Variants in FBN3 observed in about 807,000 individuals in gnomAD.
The protein encoded by FBN3 is fibrillin 3, also known as fibrillin-3.
Under a neutral mutation model 330.1 loss-of-function variants are expected in FBN3, and 234 were observed. The ratio of observed to expected loss-of-function variants is 0.71; its 90% confidence interval spans 0.64 to 0.79. The LOEUF is 0.79. FBN3 is among the 30% of genes least tolerant of loss of function. The pLI, the probability that FBN3 is intolerant of heterozygous loss-of-function variation, is 0.00. For synonymous variants in FBN3, 1,458 were observed against 1,517.3 expected, an observed-to-expected ratio of 0.96 and a Z score of 0.91; for missense variants, 3,606 against 3,886.9, an observed-to-expected ratio of 0.93 and a Z score of 1.92.
At chr19:8,070,749 G>A (rs150177605) in intron 63 of FBN3, among the ~76,000 whole-genome samples, 14 of 152,286 alleles carry the variant, frequency 9.2e-5, no homozygotes, top group South Asian at 2.1e-4. Context: ...TAGGCTGGGT[G>A]CAGTGCTTCA....
At chr19:8,138,873 C>T (rs1356680113) in intron 8 of FBN3, among the ~76,000 whole-genome samples, 1 of 151,730 alleles carries the variant, frequency 6.6e-6, no homozygotes, top group Admixed American at 6.6e-5. Context: ...ATGGCGAAAC[C>T]TCATGTCTAC....
Position 8,111,757 on chromosome 19 carries a change from G to A in FBN3, c.3975C>T (p.Cys1325=), listed in dbSNP as rs751421672. 51 of 1,612,466 alleles carry A rather than the reference G, an allele frequency of 3.2e-5. No homozygotes were observed. The South Asian group carries it at 4.7e-4, about 15-fold the overall frequency. Residue 1325 remains cysteine (C), a synonymous_variant, in exon 32 of 64, where the codon TGC becomes TGT. Coordinates refer to ENST00000600128, the MANE Select transcript of FBN3 (RefSeq NM_032447.5). ...DGFECHDLDE[C]VSQEHRCSPR... ...GGCTGCACCGGTGCTCCTGGGAGAC[G>A]CATTCATCCAGGTCTGCAGGAGATG... is the stretch of plus-strand genomic sequence containing the variant.
Position 8,129,341 on chromosome 19 carries a change from G to T in FBN3, c.2069C>A (p.Pro690His). Residue 690 changes from proline to histidine, a missense_variant, in exon 17 of 64, where the codon CCT (proline) becomes CAT (histidine). Coordinates refer to ENST00000600128, the MANE Select transcript of FBN3 (RefSeq NM_032447.5). This position sits in a 1 kb window ranked among gnomAD's most constrained non-coding sequence, Gnocchi z 4.5. Reference sequence around the variant, plus strand: ...GCACACGCCATTGGCACAAACCTCAGGATCCAGAGCACACTCGTTGATGTC... The same window carrying T: ...GCACACGCCATTGGCACAAACCTCATGATCCAGAGCACACTCGTTGATGTC... ...GRDINECALD[P>H]EVCANGVCEN... The T allele has an allele frequency of 1.2e-6, 2 of 1,614,178 alleles. No homozygotes were observed. Among genetic ancestry groups the T allele is most frequent in the Non-Finnish European group, 1.7e-6 (2 of 1,180,022 alleles).
At chr19:8,117,627 C>T (rs1216698739) in intron 26 of FBN3, 38 bp from the exon 27 acceptor site, 3 of 1,494,970 alleles carry the variant, frequency 2.0e-6, no homozygotes, top group Non-Finnish European at 2.7e-6. Flanking sequence ...GCCTGTGCCC[C>T]ATCTGCCGTC....
chr19:8,083,763 C>A (rs954340824), intron 56 of FBN3, among the ~76,000 whole-genome samples: 1 of 151,594 alleles, frequency 6.6e-6, no homozygotes, highest in East Asian at 1.9e-4. Context: ...CCCCCAGCCA[C>A]ACCCCCAAAA....
rs2082772187 is a variant in FBN3, at chr19:8,118,889, AC to A, written c.3337+7del. On this transcript the variant is annotated splice_region_variant and intron_variant, in intron 26 of 63. Coordinates refer to ENST00000600128, the MANE Select transcript of FBN3 (RefSeq NM_032447.5). ...CACTCACACTTGCACACCCAGATGC[AC>A]ACTTACCCTCACAGGCAGTGCCCTT... The A allele has an allele frequency of 6.2e-7, 1 of 1,606,400 alleles. No homozygotes were observed. The highest frequency in any genetic ancestry group is 8.5e-7 in the Non-Finnish European group (1 of 1,173,700).
intron 18 of FBN3, 94 bp from the exon 19 acceptor site, chr19:8,126,926 T>C: frequency 7.0e-7 from 1 of 1,418,598 alleles, no homozygotes; most frequent in Non-Finnish European, 9.4e-7. Context: ...CCGCAACCGG[T>C]GGCACGGGGT....
Position 8,109,012 on chromosome 19 carries a change from C to T in FBN3, c.4618+215G>A, listed in dbSNP as rs190188688. ...CTGAGTGATCAAGTGACTATAAACA[C>T]AGAGAATTTACAGAAAGCGACCTTG... On this transcript the variant is annotated intron_variant, in intron 36 of 63. Coordinates refer to ENST00000600128, the MANE Select transcript of FBN3 (RefSeq NM_032447.5). The surrounding 1 kb of genome is among the most constrained non-coding windows in gnomAD (Gnocchi z 5.2). Among the ~76,000 whole-genome samples the T allele has an allele frequency of 1.5e-4, 23 of 152,252 alleles. No individual in the cohort carries two copies. The highest frequency in any genetic ancestry group is 2.5e-4 in the Non-Finnish European group (17 of 68,022).
chr19:8,118,063 A>C (rs1259986970), intron 26 of FBN3, among the ~76,000 whole-genome samples: 1 of 147,708 alleles, frequency 6.8e-6, no homozygotes, highest in Admixed American at 6.8e-5. Context: ...ATACACACAC[A>C]CCCATGTGCA....
intron 22 of FBN3, 37 bp from the exon 23 acceptor site, chr19:8,124,045 C>T (rs1225244237): frequency 6.4e-7 from 1 of 1,552,764 alleles, no homozygotes. Flanking sequence ...CCACCCCTGC[C>T]ACACTGTGCC....
Position 8,147,487 on chromosome 19 carries a change from T to C in FBN3, c.-7A>G. On this transcript the variant is annotated 5_prime_UTR_variant, in exon 2 of 64. Coordinates refer to ENST00000600128, the MANE Select transcript of FBN3 (RefSeq NM_032447.5). The stretch of plus-strand genomic sequence containing the variant: ...ACAGACCCTCCAGAGTCATGGCGTG[T>C]CCCCTGGAGGCTGCGGAGAGGAAGC... 1 of 1,463,590 alleles carries C rather than the reference T, an allele frequency of 6.8e-7. No homozygotes were observed. Among genetic ancestry groups the C allele is most frequent in the Non-Finnish European group, 9.0e-7 (1 of 1,106,188 alleles). The allele number at this position is 1,463,590 out of a possible 1,614,324, so 90.7% of individuals were successfully genotyped here. A position where few individuals can be genotyped will look rare whatever the true frequency, so the allele number is the denominator to read the frequency against.
At chr19:8,103,377 A>C (rs947403959) in intron 39 of FBN3, among the ~76,000 whole-genome samples, 185 bp downstream of exon 39, 2 of 151,800 alleles carry the variant, frequency 1.3e-5, no homozygotes, top group Non-Finnish European at 2.9e-5. Flanking sequence ...AGCAGTGCAC[A>C]ACCTGAGCAA....
At position 8,096,751 on chromosome 19, in the gene FBN3, C is replaced by T. The variant is rs2082217855; in HGVS notation, c.5413+130G>A. ...CTCTATCACATCCTATTAACAGACA[C>T]TCTCAATACATCCCCCACCCCCCTA... is the stretch of plus-strand genomic sequence containing the variant. On this transcript the variant is annotated intron_variant, in intron 43 of 63. Coordinates refer to ENST00000600128, the MANE Select transcript of FBN3 (RefSeq NM_032447.5). This position sits in a 1 kb window ranked among gnomAD's most constrained non-coding sequence, Gnocchi z 4.6. 2.2e-5 allele frequency: 29 copies of T among 1,302,576 alleles called. No individual in the cohort carries two copies. The highest frequency in any genetic ancestry group is 3.0e-5 in the Non-Finnish European group (28 of 941,696). The allele number at this position is 1,302,576 out of a possible 1,614,324, so 80.7% of individuals were successfully genotyped here.
chr19:8,120,010 G>A (rs1599387290), intron 25 of FBN3, among the ~76,000 whole-genome samples: 1 of 150,346 alleles, frequency 6.7e-6, no homozygotes, highest in African/African-American at 2.5e-5. Flanking sequence ...GTGTAGAGAC[G>A]GGGCCTCTCT....
Position 8,121,129 on chromosome 19 carries a change from T to G in FBN3, c.3211+129A>C. The G allele has an allele frequency of 1.1e-6, 1 of 918,266 alleles. No individual in the cohort carries two copies. The highest frequency in any genetic ancestry group is 1.6e-6 in the Non-Finnish European group (1 of 607,600). 56.9% of individuals were successfully genotyped at this position (918,266 alleles called of 1,614,324 possible). ...CCCAGACTCACTGTACCTCAGCTAA[T>G]TTACAGCTCCTCCCTCCTCCTGCCC... On this transcript the variant is annotated intron_variant, in intron 25 of 63. Transcript: ENST00000600128. The surrounding 1 kb of genome is among the most constrained non-coding windows in gnomAD (Gnocchi z 4.5).
At chr19:8,093,435 A>G (rs996058968) in intron 47 of FBN3, among the ~76,000 whole-genome samples, 3 of 152,180 alleles carry the variant, frequency 2.0e-5, no homozygotes, top group South Asian at 2.1e-4. Flanking sequence ...CATCCTGGCT[A>G]ACATGGTGAA....
chr19:8,071,900 G>A, intron 63 of FBN3, 148 bp downstream of exon 63: 1 of 795,344 alleles, frequency 1.3e-6, no homozygotes, highest in South Asian at 1.8e-5. Context: ...AAGGCCCTAA[G>A]CCGGCACCAT....
rs369852908 is a variant in FBN3, at chr19:8,123,780, G to T, written c.2956+4C>A. ...CAGGGGCCTGACCCCTTCCCCAACC[G>T]CACCTTTATAGAATGGTCGGCCAGA... is the stretch of plus-strand genomic sequence containing the variant. On this transcript the variant is annotated splice_donor_region_variant and intron_variant, in intron 23 of 63. Coordinates refer to ENST00000600128, the MANE Select transcript of FBN3 (RefSeq NM_032447.5). The T allele has an allele frequency of 1.2e-6, 2 of 1,612,664 alleles. No homozygotes were observed. The highest frequency in any genetic ancestry group is 1.7e-6 in the Non-Finnish European group (2 of 1,179,698).
rs764671280 is a variant in FBN3 at position 8,129,321 on chromosome 19, C to T, written c.2089G>A (p.Val697Met). 1.5e-5 allele frequency: 25 copies of T among 1,614,046 alleles called. No homozygotes were observed. The highest frequency in any genetic ancestry group is 1.2e-4 in the Admixed American group (7 of 60,006). ...TAGCTGCCCCGAAGGTTCTCGCACA[C>T]GCCATTGGCACAAACCTCAGGATCC... The part of the protein sequence containing the change: ...ALDPEVCANG[V>M]CENLRGSYRC... Residue 697 changes from valine (V) to methionine (M), a missense_variant, in exon 17 of 64, where the codon GTG (valine) becomes ATG (methionine). Coordinates refer to ENST00000600128, the MANE Select transcript of FBN3 (RefSeq NM_032447.5). This position sits in a 1 kb window ranked among gnomAD's most constrained non-coding sequence, Gnocchi z 4.5.
Sources: allele counts gnomAD v4.1 joint callset (sites outside exome capture counted in the v4.1 genomes callset), GRCh38; gene constraint gnomAD v4.1.1; non-coding constraint Gnocchi (gnomAD v3.1); transcripts MANE v1.5; gene names NCBI Gene and HGNC (gene_info 2026-07-23, HGNC 2026-07-21).